The following SDR42E2 variants were observed in gnomAD, a reference collection of about 807,000 sequenced individuals.
SDR42E2 encodes the protein short chain dehydrogenase/reductase family 42E, member 2.
SDR42E2 carries 20 observed loss-of-function variants against 10.5 expected under a neutral mutation model. The observed-to-expected ratio is 1.90, with a 90% confidence interval of 1.34 to 2.77. The LOEUF (loss-of-function observed/expected upper bound fraction) is 2.77. Ranked by LOEUF, SDR42E2 falls within the 30% of genes most tolerant of loss-of-function variation. The probability of loss-of-function intolerance (pLI) is 0.00; values close to 1 mark genes in which losing one functional copy is unlikely to be tolerated. For synonymous variants in SDR42E2, 72 were observed against 39.2 expected (o/e 1.84, Z -3.12); for missense variants, 162 against 104.2 (o/e 1.55, Z -2.42).
chr16:22,176,792 G>A (rs868786835), intron 7 of SDR42E2, among the ~76,000 whole-genome samples: 4 of 152,120 alleles, frequency 2.6e-5, no homozygotes, highest in African/African-American at 7.2e-5. Context: ...ACCCCAGACC[G>A]CCCCAGGAGA....
At chr16:22,170,749 T>A in intron 5 of SDR42E2, 84 bp from the exon 6 acceptor site, 1 of 695,454 alleles carries the variant, frequency 1.4e-6, no homozygotes, top group Non-Finnish European at 2.6e-6. Flanking sequence ...CAGCCGACTC[T>A]ATGCTCACTT....
At chr16:22,186,501 C>T (rs1408383652) in intron 11 of SDR42E2, among the ~76,000 whole-genome samples, 1 of 152,224 alleles carries the variant, frequency 6.6e-6, no homozygotes. Flanking sequence ...GCCACTGCAC[C>T]CAGCCTGGTC....
chr16:22,163,617 G>C (rs900101973), intron 1 of SDR42E2, among the ~76,000 whole-genome samples: 1 of 152,202 alleles, frequency 6.6e-6, no homozygotes, highest in Admixed American at 6.5e-5. Context: ...TGAGGGAGGA[G>C]AATTGCTTGA....
intron 7 of SDR42E2, among the ~76,000 whole-genome samples, chr16:22,174,576 T>C (rs2046628785): frequency 1.8e-5 from 2 of 113,956 alleles, no homozygotes; most frequent in South Asian, 6.3e-4. Context: ...CCCATCACCC[T>C]GGGCCAGTTA....
chr16:22,164,966 A>G (rs999387220), intron 1 of SDR42E2, among the ~76,000 whole-genome samples: 5 of 152,078 alleles, frequency 3.3e-5, no homozygotes, highest in African/African-American at 9.7e-5. Flanking sequence ...CTTAATGTCA[A>G]CCTCAGTTAC....
At chr16:22,180,479 T>C (rs1037909430) in intron 8 of SDR42E2, among the ~76,000 whole-genome samples, 2 of 151,952 alleles carry the variant, frequency 1.3e-5, no homozygotes, top group African/African-American at 2.4e-5. Flanking sequence ...GGAGGGAAGA[T>C]TGGTTGAGCC....
intron 8 of SDR42E2, among the ~76,000 whole-genome samples, chr16:22,181,183 T>C (rs1009137341): frequency 2.6e-5 from 4 of 151,998 alleles, no homozygotes; most frequent in African/African-American, 4.8e-5. Context: ...GTTGAACCAA[T>C]TGGATTTGCA....
intron 12 of SDR42E2, among the ~76,000 whole-genome samples, chr16:22,189,285 AAG>A (rs781192736): frequency 7.2e-5 from 11 of 152,094 alleles, no homozygotes; most frequent in Non-Finnish European, 1.0e-4. Flanking sequence ...GCTGAGGAAA[AAG>A]AGAGGAAGAA....
intron 9 of SDR42E2, 71 bp from the exon 10 acceptor site, chr16:22,182,141 G>C (rs945248540): frequency 2.4e-6 from 1 of 408,502 alleles, no homozygotes; most frequent in East Asian, 3.5e-5. Flanking sequence ...CAGCTGCTGG[G>C]AGCCATCTGG....
At chr16:22,170,377 T>C (rs558071609) in intron 5 of SDR42E2, among the ~76,000 whole-genome samples, 23 of 151,906 alleles carry the variant, frequency 1.5e-4, no homozygotes, top group African/African-American at 2.2e-4. Context: ...AATAAATAAA[T>C]AAACAAACAG....
intron 12 of SDR42E2, among the ~76,000 whole-genome samples, chr16:22,186,999 G>C (rs1006659926): frequency 4.6e-5 from 7 of 152,174 alleles, no homozygotes; most frequent in Non-Finnish European, 1.0e-4. Flanking sequence ...TTTTGCTGAG[G>C]CTGTGCTTTC....
intron 8 of SDR42E2, among the ~76,000 whole-genome samples, chr16:22,179,813 C>A (rs376497249): frequency 7.7e-3 from 724 of 93,950 alleles, no homozygotes; most frequent in Middle Eastern, 0.01. Context: ...AACTTCATCT[C>A]AAAAAAAAAA....
rs1262600634 is a variant in SDR42E2, at chr16:22,190,392, G to A, written c.1268G>A (p.Ter423=). The A allele has an allele frequency of 2.5e-6, 1 of 401,790 alleles. No individual in the cohort carries two copies. The highest frequency in any genetic ancestry group is 4.4e-6 in the Non-Finnish European group (1 of 227,948). The allele number at this position is 401,790 out of a possible 1,614,324, so 24.9% of individuals were successfully genotyped here. The change falls in exon 13 of 13, where the codon TGA becomes TAA. Residue 423 remains the stop codon, a stop_retained_variant. Coordinates refer to ENST00000602312, the MANE Select transcript of SDR42E2 (RefSeq NM_001394319.2). ...QPLHAAVERL[*] is the part of the protein sequence containing the mutation. ...CTGCACGCCGCCGTGGAGCGCCTGTGACCGTCCGCCGTCCGCCGCCCGCTA... is the reference window on the plus strand; with the variant it reads ...CTGCACGCCGCCGTGGAGCGCCTGTAACCGTCCGCCGTCCGCCGCCCGCTA...
intron 12 of SDR42E2, among the ~76,000 whole-genome samples, chr16:22,189,785 G>A (rs966609763): frequency 1.4e-4 from 22 of 152,178 alleles, no homozygotes; most frequent in African/African-American, 4.3e-4. Flanking sequence ...GGATGCCTAA[G>A]AATGTATCAA....
At chr16:22,175,330 C>G (rs559297107) in intron 7 of SDR42E2, among the ~76,000 whole-genome samples, 1 of 152,058 alleles carries the variant, frequency 6.6e-6, no homozygotes, top group Non-Finnish European at 1.5e-5. Flanking sequence ...TGTGGTGGTG[C>G]ACACCTGTAC....
chr16:22,186,136 T>A (rs756050070), intron 11 of SDR42E2, among the ~76,000 whole-genome samples: 7 of 151,970 alleles, frequency 4.6e-5, no homozygotes, highest in African/African-American at 7.3e-5. Flanking sequence ...AGCATTGGAG[T>A]AGAAGTGAGA....
chr16:22,171,620 C>A (rs994994996), intron 6 of SDR42E2, among the ~76,000 whole-genome samples: 1 of 152,118 alleles, frequency 6.6e-6, no homozygotes, highest in African/African-American at 2.4e-5. Context: ...GCAACCTCTG[C>A]CTCCCGGGTT....
chr16:22,172,119 G>A (rs1486348503), intron 6 of SDR42E2, 137 bp from the exon 7 acceptor site: 3 of 638,298 alleles, frequency 4.7e-6, no homozygotes, highest in African/African-American at 1.8e-5. Flanking sequence ...AGGGGGAGAG[G>A]AAAGGCCATG....
chr16:22,190,560 G>A lies in SDR42E2; in HGVS notation c.*167G>A, dbSNP rs1322490288. On this transcript the variant is annotated 3_prime_UTR_variant, in exon 13 of 13. Transcript: ENST00000602312. ...CCGAGCCGCTCTCCAGACCTAGCCCGGACCGCCGACTTCTGGCCACGCCCC... is the reference window on the plus strand; with the variant it reads ...CCGAGCCGCTCTCCAGACCTAGCCCAGACCGCCGACTTCTGGCCACGCCCC... 2.5e-5 allele frequency: 10 copies of A among 396,144 alleles called. 1 individual carries two copies. The highest frequency in any genetic ancestry group is 2.2e-4 in the East Asian group (6 of 27,798). 24.5% of individuals were successfully genotyped at this position (396,144 alleles called of 1,614,324 possible).
Sources: allele counts gnomAD v4.1 joint callset (sites outside exome capture counted in the v4.1 genomes callset), GRCh38; gene constraint gnomAD v4.1.1; transcripts MANE v1.5; gene names NCBI Gene and HGNC (gene_info 2026-07-23, HGNC 2026-07-21).